SNTG2: variants seen among roughly 807,000 people sequenced by gnomAD.
The protein encoded by SNTG2 is syntrophin gamma 2.
In SNTG2, 74 loss-of-function variants were observed where a neutral mutation model predicts 70.9. The observed-to-expected ratio is 1.04, with a 90% confidence interval of 0.86 to 1.27. The LOEUF is 1.27. SNTG2 is among the 50% of genes most tolerant of loss of function. The pLI is 0.00. For synonymous variants in SNTG2, 278 were observed against 273.8 expected (o/e 1.02, Z -0.15); for missense variants, 717 against 690.7 (o/e 1.04, Z -0.43).
intron 14 of SNTG2, among the ~76,000 whole-genome samples, chr2:1,296,269 G>C (rs35890601): frequency 0.015 from 2,359 of 152,358 alleles, 30 homozygotes; most frequent in East Asian, 0.049. Context: ...GACCAACTGG[G>C]TGCTTATTGC....
chr2:1,001,698 A>C (rs577093366), intron 1 of SNTG2, among the ~76,000 whole-genome samples: 2 of 152,102 alleles, frequency 1.3e-5, no homozygotes, highest in Non-Finnish European at 2.9e-5. Flanking sequence ...TACCCAAAGC[A>C]ATCTAGAGAT....
At chr2:1,315,313 C>A (rs987690167) in intron 15 of SNTG2, among the ~76,000 whole-genome samples, 71 of 152,270 alleles carry the variant, frequency 4.7e-4, no homozygotes, top group Middle Eastern at 3.4e-3. Context: ...TTGAGGCTAG[C>A]GTGTGGGCGG....
At chr2:1,224,511 G>C (rs1162048207) in intron 9 of SNTG2, among the ~76,000 whole-genome samples, 1 of 152,092 alleles carries the variant, frequency 6.6e-6, no homozygotes, top group East Asian at 1.9e-4. Flanking sequence ...GCTTACCTCA[G>C]AGACCAAATC....
At chr2:1,228,633 A>T (rs1039059893) in intron 9 of SNTG2, among the ~76,000 whole-genome samples, 3 of 152,282 alleles carry the variant, frequency 2.0e-5, no homozygotes, top group African/African-American at 7.2e-5. Context: ...GTTGGGTAAA[A>T]GCGCGGCCAC....
At chr2:1,137,502 GCA>G (rs35182823) in intron 4 of SNTG2, 118 bp from the exon 5 acceptor site, 981 of 831,782 alleles carry the variant, frequency 1.2e-3, no homozygotes, top group Non-Finnish European at 1.3e-3. Flanking sequence ...GTGGACACAT[GCA>G]CACACACACA....
intron 13 of SNTG2, among the ~76,000 whole-genome samples, chr2:1,263,477 T>C (rs372531535): frequency 5.3e-5 from 8 of 152,122 alleles, no homozygotes; most frequent in African/African-American, 1.9e-4. Context: ...AGAAAAAATA[T>C]GTAATTTTAG....
At chr2:1,080,312 G>A (rs555255665) in intron 1 of SNTG2, among the ~76,000 whole-genome samples, 5 of 152,302 alleles carry the variant, frequency 3.3e-5, no homozygotes, top group East Asian at 1.9e-4. Context: ...GAGTGAGTGC[G>A]TCCTTCCAGA....
chr2:1,035,532 A>G (rs568194482), intron 1 of SNTG2, among the ~76,000 whole-genome samples: 5 of 152,338 alleles, frequency 3.3e-5, no homozygotes, highest in Middle Eastern at 6.8e-3. Context: ...CTGCAATTCT[A>G]AAGATGCTCA....
intron 1 of SNTG2, among the ~76,000 whole-genome samples, chr2:1,047,822 A>G (rs1661822434): frequency 6.6e-6 from 1 of 152,088 alleles, no homozygotes; most frequent in Non-Finnish European, 1.5e-5. Context: ...TCTCAGCTTG[A>G]CACTTTTTTT....
intron 1 of SNTG2, among the ~76,000 whole-genome samples, chr2:991,407 A>T (rs191879410): frequency 8.6e-5 from 13 of 151,110 alleles, no homozygotes; most frequent in Non-Finnish European, 1.5e-4. Flanking sequence ...ACACACACAC[A>T]ATTATGACTT....
At chr2:1,235,582 G>T (rs796581175) in intron 9 of SNTG2, among the ~76,000 whole-genome samples, 3 of 66,374 alleles carry the variant, frequency 4.5e-5, no homozygotes, top group African/African-American at 3.0e-4. Flanking sequence ...TGAGAGGGGG[G>T]ACCCCTGCCC....
In SNTG2 at chr2:1,360,648, AAAC is replaced by A. The variant is rs1661087511; in HGVS notation, c.1489-6692_1489-6690del. ...ATTTCCTTTTCTTAAAAACACAAACAAACAAAAAAAAAGTCTGTCCCTAGGGGA... is the reference window on the plus strand; with the variant it reads ...ATTTCCTTTTCTTAAAAACACAAACAAAAAAAAAAGTCTGTCCCTAGGGGA... On this transcript the variant is annotated intron_variant, in intron 16 of 16. Transcript: ENST00000308624. 4.2e-5 allele frequency among the ~76,000 whole-genome samples: 3 copies of A among 71,568 alleles called. No individual in the cohort carries two copies. In the East Asian group the frequency reaches 4.7e-3, roughly 113 times the overall value. The allele number at this position is 71,568 out of a possible 152,430, so 47.0% of individuals were successfully genotyped here. A position where few individuals can be genotyped will look rare whatever the true frequency, so the allele number is the denominator to read the frequency against.
chr2:1,054,950 T>TTTGTTG (rs1266500401), intron 1 of SNTG2, among the ~76,000 whole-genome samples: 9 of 151,432 alleles, frequency 5.9e-5, no homozygotes, highest in Non-Finnish European at 1.0e-4. Context: ...TGTTTTTGTT[T>TTTGTTG]TTGTTTTTTT....
intron 1 of SNTG2, among the ~76,000 whole-genome samples, chr2:995,108 G>T (rs1661634483): frequency 1.3e-5 from 2 of 151,812 alleles, no homozygotes. Context: ...ATGTTAAATG[G>T]AAGTGGCAAG....
intron 11 of SNTG2, among the ~76,000 whole-genome samples, chr2:1,241,026 AAGGCTGG>A (rs1677013553): frequency 6.6e-6 from 1 of 152,212 alleles, no homozygotes; most frequent in South Asian, 2.1e-4. Context: ...AGCCTTTATC[AAGGCTGG>A]TGGGACAGTG....
chr2:1,088,328 T>C (rs1457670051), intron 2 of SNTG2, among the ~76,000 whole-genome samples: 1 of 152,236 alleles, frequency 6.6e-6, no homozygotes, highest in Non-Finnish European at 1.5e-5. Context: ...TGAAAACCAG[T>C]TTCTGTGTGC....
At chr2:1,220,510 G>C (rs961500666) in intron 9 of SNTG2, among the ~76,000 whole-genome samples, 1 of 152,216 alleles carries the variant, frequency 6.6e-6, no homozygotes, top group Admixed American at 6.5e-5. Context: ...CCCGGTCTGA[G>C]GTTGATGACA....
At chr2:1,253,171 A>G (rs1244377680) in intron 12 of SNTG2, among the ~76,000 whole-genome samples, 1 of 152,120 alleles carries the variant, frequency 6.6e-6, no homozygotes, top group Non-Finnish European at 1.5e-5. Flanking sequence ...CCATGGGAGA[A>G]GCACGTGGGG....
chr2:1,225,634 C>A (rs1371433343), intron 9 of SNTG2, among the ~76,000 whole-genome samples: 1 of 152,200 alleles, frequency 6.6e-6, no homozygotes, highest in African/African-American at 2.4e-5. Flanking sequence ...TTCTGTCATT[C>A]CTGTGCACAC....
Sources: allele counts gnomAD v4.1 joint callset (sites outside exome capture counted in the v4.1 genomes callset), GRCh38; gene constraint gnomAD v4.1.1; transcripts MANE v1.5; gene names NCBI Gene and HGNC (gene_info 2026-07-23, HGNC 2026-07-21).